The following AKAP9 variants were observed in gnomAD, a reference collection of about 807,000 sequenced individuals.
AKAP9 encodes A-kinase anchoring protein 9.
In AKAP9, 311 loss-of-function variants were observed where a neutral mutation model predicts 488.5. The observed-to-expected ratio is 0.64, with a 90% CI of 0.58 to 0.70. The LOEUF (loss-of-function observed/expected upper bound fraction) is 0.70. Ranked by LOEUF, AKAP9 falls within the 30% of genes least tolerant of loss-of-function variation. The pLI, the probability that AKAP9 is intolerant of heterozygous loss-of-function variation, is 0.00. For missense variants in AKAP9, 4,215 were observed against 4,374.5 expected (o/e 0.96, Z 1.03); for synonymous variants, 1,462 against 1,483.5 (o/e 0.99, Z 0.33).
chr7:92,007,724 A>G (rs1001612756), intron 8 of AKAP9, among the ~76,000 whole-genome samples: 5 of 152,244 alleles, frequency 3.3e-5, no homozygotes, highest in African/African-American at 9.6e-5. Flanking sequence ...TTTATAGTTT[A>G]TCTGGAGAAG....
chr7:92,062,749 GAA>G (rs1322746470), intron 24 of AKAP9, among the ~76,000 whole-genome samples: 1 of 152,054 alleles, frequency 6.6e-6, no homozygotes, highest in Admixed American at 6.6e-5. Context: ...TGCTTCAAGA[GAA>G]AGCTGCAAAT....
At chr7:92,097,946 A>G (rs1207901669) in intron 42 of AKAP9, 152 bp downstream of exon 42, 2 of 928,032 alleles carry the variant, frequency 2.2e-6, no homozygotes, top group Non-Finnish European at 3.4e-6. Flanking sequence ...CAGAACTCAA[A>G]TGTCTGAAAA....
intron 25 of AKAP9, 73 bp downstream of exon 25, chr7:92,065,536 T>C (rs1454886120): frequency 9.1e-7 from 1 of 1,094,272 alleles, no homozygotes; most frequent in African/African-American, 1.6e-5. Context: ...GCTATGAATT[T>C]TAAATTATGA....
Position 92,110,340 on chromosome 7 carries a change from T to C in AKAP9, c.*181T>C. 1 of 594,464 alleles carries C rather than the reference T, an allele frequency of 1.7e-6. No individual in the cohort carries two copies. The highest frequency in any genetic ancestry group is 3.0e-6 in the Non-Finnish European group (1 of 333,614). 36.8% of individuals were successfully genotyped at this position (594,464 alleles called of 1,614,324 possible). On this transcript the variant is annotated 3_prime_UTR_variant, in exon 50 of 50. Coordinates refer to ENST00000356239, the MANE Select transcript of AKAP9 (RefSeq NM_005751.5). ...CTGGAATTTGTATATATAAGCATTGTGTATGTATTCATGCACAATAATTAT... is the reference window on the plus strand; with the variant it reads ...CTGGAATTTGTATATATAAGCATTGCGTATGTATTCATGCACAATAATTAT...
rs747398699 is a variant in AKAP9 at position 92,016,256 on chromosome 7, A to G, written c.3740A>G (p.Tyr1247Cys). 1.3e-6 allele frequency: 2 copies of G among 1,541,462 alleles called. No individual in the cohort carries two copies. The highest frequency in any genetic ancestry group is 2.3e-5 in the East Asian group (1 of 44,406). The change falls in exon 11 of 50, where the codon TAT (tyrosine) becomes TGT (cysteine). Residue 1247 changes from tyrosine (Y) to cysteine (C), a missense_variant. This residue lies in a region of AKAP9 where 2,361 missense variants were observed against 2,430.0 expected (regional missense o/e 0.97). Transcript: ENST00000356239. ...GATCCAGAATTACAAGATTATAGAT[A>G]TGAAGTTCAAGGTAATAAAAGCTTA... ...NEDPELQDYR[Y>C]EVQDFQENMH...
intron 23 of AKAP9, 122 bp downstream of exon 23, chr7:92,061,544 T>C: frequency 1.1e-6 from 1 of 942,454 alleles, no homozygotes; most frequent in Non-Finnish European, 1.5e-6. Flanking sequence ...AAAAAGTACT[T>C]GTGGTTTATC....
At chr7:92,096,234 T>C (rs1816541047) in intron 40 of AKAP9, among the ~76,000 whole-genome samples, 1 of 152,110 alleles carries the variant, frequency 6.6e-6, no homozygotes, top group Non-Finnish European at 1.5e-5. Flanking sequence ...CTACTGAACA[T>C]TTAAGTTAAT....
chr7:92,030,938 T>G (rs1295958508), intron 15 of AKAP9, among the ~76,000 whole-genome samples: 1 of 152,234 alleles, frequency 6.6e-6, no homozygotes, highest in Admixed American at 6.5e-5. Flanking sequence ...CCTCGCTCAG[T>G]ATACAGAGGA....
In AKAP9 at chr7:92,058,569, A is replaced by G. The variant is rs377240888; in HGVS notation, c.5602-2691A>G. ...AGGGCTAAATTTGGTCTGAGTTCCAACTTGGCTATGTTTACAATTACAGAA... is the reference window on the plus strand; with the variant it reads ...AGGGCTAAATTTGGTCTGAGTTCCAGCTTGGCTATGTTTACAATTACAGAA... On this transcript the variant is annotated intron_variant, in intron 22 of 49. Transcript: ENST00000356239. Among the ~76,000 whole-genome samples the G allele has an allele frequency of 2.6e-5, 4 of 152,166 alleles. 1 individual carries two copies.
At chr7:92,089,270 TA>T in intron 37 of AKAP9, 114 bp from the exon 38 acceptor site, 1 of 1,236,484 alleles carries the variant, frequency 8.1e-7, no homozygotes, top group Non-Finnish European at 1.1e-6. Context: ...GAAAATTTTT[TA>T]AAAAAGAAAA....
At chr7:92,082,494 T>A (rs1248577996) in intron 31 of AKAP9, 28 bp from the exon 32 acceptor site, 5 of 1,610,146 alleles carry the variant, frequency 3.1e-6, no homozygotes, top group Non-Finnish European at 4.2e-6. Context: ...TTAAATTATG[T>A]GTTTCTTGTG....
In AKAP9 at chr7:92,079,901, A is replaced by C. The variant is rs1209444839; in HGVS notation, c.7768A>C (p.Asn2590His). 6.2e-7 allele frequency: 1 copy of C among 1,613,972 alleles called. No individual in the cohort carries two copies. The highest frequency in any genetic ancestry group is 2.2e-5 in the East Asian group (1 of 44,856). The change falls in exon 31 of 50, where the codon AAT becomes CAT. Residue 2590 changes from asparagine to histidine, a missense_variant. Asn to His is a moderately conservative substitution (Grantham distance 68). Around this residue, in one of 5 missense-constraint regions of AKAP9, gnomAD observed 1,476 missense variants for 1,477.4 expected, o/e 1.00. Coordinates refer to ENST00000356239, the MANE Select transcript of AKAP9 (RefSeq NM_005751.5). Reference protein sequence around the residue: ...EPERTNIQNLNQLREDELGSD... With the variant: ...EPERTNIQNLHQLREDELGSD... ...TGAAAGAACAAATATTCAGAATTTA[A>C]ATCAACTAAGAGAAGATGAGTTGGG...
chr7:92,085,682 C>G lies in AKAP9; in HGVS notation c.9020C>G (p.Ala3007Gly). ...LITKMQLQRE[A>G]EVYDSSQSHE... is the part of the protein sequence containing the mutation. ...ACAAAGATGCAACTGCAAAGAGAAG[C>G]CGAGGTAACCAAAGAATACTATGCA... Residue 3007 changes from alanine (A) to glycine (G), a missense_variant, in exon 36 of 50, where the codon GCC becomes GGC. By Grantham distance (60) the Ala-to-Gly change is moderately conservative (BLOSUM62 0). Coordinates refer to ENST00000356239, the MANE Select transcript of AKAP9 (RefSeq NM_005751.5). 3 of 1,609,344 alleles carry G rather than the reference C, an allele frequency of 1.9e-6. No individual in the cohort carries two copies. The highest frequency in any genetic ancestry group is 2.5e-6 in the Non-Finnish European group (3 of 1,177,202).
chr7:92,076,995 C>T lies in AKAP9; in HGVS notation c.6753C>T (p.Asn2251=), dbSNP rs1238796693. Residue 2251 remains asparagine (N), a synonymous_variant, in exon 29 of 50, where the codon AAC becomes AAT. Coordinates refer to ENST00000356239, the MANE Select transcript of AKAP9 (RefSeq NM_005751.5). ...TTRLQELEQE[N]KLFKDDMEKL... is the part of the protein sequence containing the mutation. ...GCCTACAAGAACTTGAACAGGAAAACAAATTATTTAAGGTAATTAGTTAAG... is the reference window on the plus strand; with the variant it reads ...GCCTACAAGAACTTGAACAGGAAAATAAATTATTTAAGGTAATTAGTTAAG... 1 of 1,564,164 alleles carries T rather than the reference C, an allele frequency of 6.4e-7. No individual in the cohort carries two copies. Among genetic ancestry groups the T allele is most frequent in the South Asian group, 1.2e-5 (1 of 84,260 alleles).
intron 38 of AKAP9, among the ~76,000 whole-genome samples, chr7:92,091,821 A>G (rs558944597): frequency 2.9e-4 from 44 of 152,300 alleles, no homozygotes; most frequent in Middle Eastern, 3.4e-3. Flanking sequence ...CATTTATGTA[A>G]ATCCTTAACC....
chr7:92,060,131 C>T (rs1303388744), intron 22 of AKAP9, among the ~76,000 whole-genome samples: 2 of 151,900 alleles, frequency 1.3e-5, no homozygotes, highest in African/African-American at 4.8e-5. Context: ...TGACAAATAC[C>T]TCTCAGATGT....
chr7:92,021,272 C>A lies in AKAP9; in HGVS notation c.3838-966C>A, dbSNP rs759728212. Among the ~76,000 whole-genome samples, 16 of 152,244 alleles carry A rather than the reference C, an allele frequency of 1.1e-4. No homozygotes were observed. The East Asian group carries it at 2.7e-3, about 26-fold the overall frequency. On this transcript the variant is annotated intron_variant, in intron 12 of 49. Coordinates refer to ENST00000356239, the MANE Select transcript of AKAP9 (RefSeq NM_005751.5). ...GTTCTCTAATTGTTTATTTTCCCAT[C>A]TGATTGATGAATTCTGTGCAGGCAG...
chr7:92,099,591 C>T, intron 43 of AKAP9, 96 bp from the exon 44 acceptor site: 1 of 1,185,708 alleles, frequency 8.4e-7, no homozygotes, highest in South Asian at 1.2e-5. Context: ...AGCACCAATT[C>T]ATGAATTCTG....
At chr7:92,021,258 G>GT (rs1802283733) in intron 12 of AKAP9, among the ~76,000 whole-genome samples, 2 of 151,984 alleles carry the variant, frequency 1.3e-5, no homozygotes, top group African/African-American at 4.8e-5. Flanking sequence ...TTCTCTAATT[G>GT]TTTATTTTCC....
Sources: gnomAD v4.1 joint callset for allele counts (sites outside exome capture counted in the v4.1 genomes callset) on GRCh38, gnomAD v4.1.1 for gene constraint, gnomAD v4.1.1 regional missense constraint, MANE v1.5 for transcripts, NCBI Gene and HGNC (gene_info 2026-07-23, HGNC 2026-07-21) for gene names.